Variants in CNTNAP4 observed in about 807,000 individuals in gnomAD.
CNTNAP4 encodes the protein contactin-associated protein-like 4.
Under a neutral mutation model 148.4 loss-of-function variants are expected in CNTNAP4, and 98 were observed. That is an observed-to-expected ratio of 0.66 (90% CI 0.56 to 0.78). The LOEUF (loss-of-function observed/expected upper bound fraction) is 0.78. CNTNAP4 is among the 30% of genes least tolerant of loss of function. The pLI is 0.00. For synonymous variants in CNTNAP4, 730 were observed against 565.1 expected, an observed-to-expected ratio of 1.29 and a Z score of -4.14; for missense variants, 1,935 against 1,565.6, an observed-to-expected ratio of 1.24 and a Z score of -3.98.
chr16:76,456,811 T>A (rs1168392563), intron 8 of CNTNAP4, among the ~76,000 whole-genome samples: 5 of 151,554 alleles, frequency 3.3e-5, no homozygotes, highest in Non-Finnish European at 5.9e-5. Context: ...CAGGGAAGAG[T>A]GTAGGTTTTG....
chr16:76,413,664 G>A (rs2078879483), intron 3 of CNTNAP4, among the ~76,000 whole-genome samples: 1 of 150,742 alleles, frequency 6.6e-6, no homozygotes, highest in Non-Finnish European at 1.5e-5. Context: ...TGTAATTTGT[G>A]CACACACACA....
At chr16:76,547,152 A>T (rs1597130248) in intron 21 of CNTNAP4, among the ~76,000 whole-genome samples, 1 of 152,224 alleles carries the variant, frequency 6.6e-6, no homozygotes, top group East Asian at 1.9e-4. Flanking sequence ...ATAAATATTT[A>T]CTAGAAAATT....
At chr16:76,471,216 G>C (rs995817678) in intron 10 of CNTNAP4, among the ~76,000 whole-genome samples, 1 of 152,148 alleles carries the variant, frequency 6.6e-6, no homozygotes, top group African/African-American at 2.4e-5. Flanking sequence ...TGGCGAAGGG[G>C]TGAGTACAGA....
At chr16:76,381,183 A>T (rs1038417714) in intron 3 of CNTNAP4, among the ~76,000 whole-genome samples, 6 of 152,184 alleles carry the variant, frequency 3.9e-5, no homozygotes, top group Non-Finnish European at 8.8e-5. Flanking sequence ...AGTAACTTTA[A>T]AGATGAGAAT....
intron 4 of CNTNAP4, among the ~76,000 whole-genome samples, chr16:76,443,592 A>G (rs903543500): frequency 2.0e-5 from 3 of 151,928 alleles, no homozygotes; most frequent in East Asian, 1.9e-4. Flanking sequence ...CCCTGTCCAA[A>G]AAAAATATTT....
intron 1 of CNTNAP4, among the ~76,000 whole-genome samples, chr16:76,278,329 C>A (rs1052742836): frequency 2.6e-5 from 4 of 152,180 alleles, no homozygotes; most frequent in Non-Finnish European, 5.9e-5. Context: ...TGAGACTTAG[C>A]GCTCTCCGGA....
At chr16:76,383,786 A>G (rs1042868903) in intron 3 of CNTNAP4, among the ~76,000 whole-genome samples, 1 of 152,196 alleles carries the variant, frequency 6.6e-6, no homozygotes, top group African/African-American at 2.4e-5. Flanking sequence ...ACTGAATTTA[A>G]AATAATCGAG....
At position 76,377,244 on chromosome 16, in the gene CNTNAP4, T is replaced by C. The variant is rs986573150; in HGVS notation, c.390+21733T>C. 5.1e-4 allele frequency among the ~76,000 whole-genome samples: 78 copies of C among 152,200 alleles called. 1 individual carries two copies. Among genetic ancestry groups the C allele is most frequent in the African/African-American group, 1.8e-3 (74 of 41,446 alleles). On this transcript the variant is annotated intron_variant, in intron 3 of 23. Coordinates refer to ENST00000611870, the MANE Select transcript of CNTNAP4 (RefSeq NM_033401.5). ...TTTACTTAGTGTCTATGGATTTAAA[T>C]ATTAATCTCATTTAAAAATACCTTT... is the stretch of plus-strand genomic sequence containing the variant.
chr16:76,338,943 A>G (rs1296039210), intron 2 of CNTNAP4, among the ~76,000 whole-genome samples: 1 of 152,198 alleles, frequency 6.6e-6, no homozygotes, highest in Non-Finnish European at 1.5e-5. Flanking sequence ...AGTCATTCCC[A>G]GCATTTCTTT....
intron 8 of CNTNAP4, among the ~76,000 whole-genome samples, chr16:76,459,611 G>T (rs537248042): frequency 2.0e-5 from 3 of 152,132 alleles, no homozygotes; most frequent in Non-Finnish European, 4.4e-5. Context: ...GAAAATAAAA[G>T]AAATCACATA....
intron 1 of CNTNAP4, among the ~76,000 whole-genome samples, chr16:76,297,616 C>G (rs1022476094): frequency 6.6e-6 from 1 of 152,076 alleles, no homozygotes; most frequent in Non-Finnish European, 1.5e-5. Context: ...TGTTCTCAGG[C>G]TATGACATAA....
chr16:76,470,564 C>T (rs553133324), intron 10 of CNTNAP4, among the ~76,000 whole-genome samples: 6 of 148,748 alleles, frequency 4.0e-5, no homozygotes, highest in South Asian at 2.1e-4. Context: ...GCAGGAGAAT[C>T]GCTTGAACCC....
At chr16:76,464,161 G>A (rs2081089664) in intron 9 of CNTNAP4, among the ~76,000 whole-genome samples, 1 of 152,142 alleles carries the variant, frequency 6.6e-6, no homozygotes, top group Non-Finnish European at 1.5e-5. Flanking sequence ...CCAGGTTAAG[G>A]CGATCCATCT....
At chr16:76,539,550 C>T (rs2084358646) in intron 19 of CNTNAP4, among the ~76,000 whole-genome samples, 169 bp from the exon 20 acceptor site, 1 of 151,998 alleles carries the variant, frequency 6.6e-6, no homozygotes, top group Non-Finnish European at 1.5e-5. Flanking sequence ...TTTGCAAATA[C>T]ATTATTGCAA....
At position 76,420,364 on chromosome 16, in the gene CNTNAP4, A is replaced by AAT. The variant is rs532018407; in HGVS notation, c.391-7086_391-7085dup. 1.1e-4 allele frequency among the ~76,000 whole-genome samples: 14 copies of AAT among 132,308 alleles called. 1 individual carries two copies. In the South Asian group the frequency reaches 1.4e-3, roughly 13 times the overall value. The allele number at this position is 132,308 out of a possible 152,430, so 86.8% of individuals were successfully genotyped here. ...TAGGACACTACATAAGAAAAAAATGAATAGACAATTTTAGGCCTAGAAGGC... is the reference window on the plus strand; with the variant it reads ...TAGGACACTACATAAGAAAAAAATGAATATAGACAATTTTAGGCCTAGAAGGC... On this transcript the variant is annotated intron_variant, in intron 3 of 23. Transcript: ENST00000611870.
chr16:76,339,184 G>T lies in CNTNAP4; in HGVS notation c.197-16134G>T, dbSNP rs1345153478. Among the ~76,000 whole-genome samples, 5 of 142,558 alleles carry T rather than the reference G, an allele frequency of 3.5e-5. 1 individual carries two copies. The Admixed American group carries it at 3.9e-4, about 11-fold the overall frequency. The allele number at this position is 142,558 out of a possible 152,430, so 93.5% of individuals were successfully genotyped here. A position where few individuals can be genotyped will look rare whatever the true frequency, so the allele number is the denominator to read the frequency against. ...AGGTGGCATTTAGAGATTTTTAAAA[G>T]AGTGGTCTTTTTAACTGTCTAATGT... is the stretch of plus-strand genomic sequence containing the variant. On this transcript the variant is annotated intron_variant, in intron 2 of 23. Coordinates refer to ENST00000611870, the MANE Select transcript of CNTNAP4 (RefSeq NM_033401.5).
intron 2 of CNTNAP4, among the ~76,000 whole-genome samples, chr16:76,343,214 A>C (rs1042079431): frequency 6.6e-6 from 1 of 152,088 alleles, no homozygotes; most frequent in African/African-American, 2.4e-5. Context: ...TACACTGGGA[A>C]CCATGAACTG....
chr16:76,299,892 A>G (rs1442494957), intron 1 of CNTNAP4, among the ~76,000 whole-genome samples: 1 of 152,138 alleles, frequency 6.6e-6, no homozygotes, highest in Non-Finnish European at 1.5e-5. Flanking sequence ...AACTATCACA[A>G]GGACAAAAAA....
At chr16:76,488,183 A>G (rs1444224926) in intron 12 of CNTNAP4, among the ~76,000 whole-genome samples, 2 of 152,110 alleles carry the variant, frequency 1.3e-5, no homozygotes, top group South Asian at 2.1e-4. Context: ...TTAATTTCCA[A>G]ATTTGGAAAT....
Sources: gnomAD v4.1 joint callset for allele counts (sites outside exome capture counted in the v4.1 genomes callset) on GRCh38, gnomAD v4.1.1 for gene constraint, MANE v1.5 for transcripts, NCBI Gene and HGNC (gene_info 2026-07-23, HGNC 2026-07-21) for gene names.